The following DRC1 variants were observed in gnomAD, a reference collection of about 807,000 sequenced individuals.
The protein encoded by DRC1 is dynein regulatory complex protein 1.
A neutral mutation model predicts 98.7 loss-of-function variants in DRC1; 74 were observed. The observed-to-expected ratio is 0.75, with a 90% CI of 0.62 to 0.91. The LOEUF is 0.91. Among genes scored for constraint, DRC1 ranks in the 40% least tolerant of loss-of-function variants. The pLI is 0.00. For synonymous variants in DRC1, 336 were observed against 334.1 expected (o/e 1.01, Z -0.06); for missense variants, 875 against 886.0 (o/e 0.99, Z 0.16).
intron 4 of DRC1, among the ~76,000 whole-genome samples, chr2:26,429,182 GATGATTATTATTATTATTATT>G (rs70950191): frequency 0.68 from 99,654 of 146,000 alleles, 38,193 homozygotes; most frequent in Non-Finnish European, 0.87. Context: ...TCTTTGTACA[GATGATTATTATTATTATTATT>G]ATTATTATTA....
rs1012672985 is a variant in DRC1 at position 26,455,123 on chromosome 2, G to A, written c.2064-8G>A. 2.1e-5 allele frequency: 34 copies of A among 1,613,852 alleles called. No homozygotes were observed. The highest frequency in any genetic ancestry group is 2.9e-5 in the Non-Finnish European group (34 of 1,179,962). ...CAGTGAGCCTCTAACCGATTTTTCT[G>A]TCCAAAGCCTTGTCCTGACCCAGAG... On this transcript the variant is annotated splice_polypyrimidine_tract_variant and splice_region_variant and intron_variant, in intron 15 of 16. Transcript: ENST00000288710.
chr2:26,452,410 C>A (rs1296338175), intron 13 of DRC1, among the ~76,000 whole-genome samples: 1 of 152,148 alleles, frequency 6.6e-6, no homozygotes, highest in East Asian at 1.9e-4. Context: ...CAGGCACCTG[C>A]CACCACGCCC....
At chr2:26,412,626 A>T (rs187170436) in intron 1 of DRC1, among the ~76,000 whole-genome samples, 2 of 152,284 alleles carry the variant, frequency 1.3e-5, no homozygotes, top group East Asian at 3.9e-4. Flanking sequence ...ACAAGCACAC[A>T]CACATGCACT....
At position 26,430,958 on chromosome 2, in the gene DRC1, CTTTTTTTTTTT is replaced by C. The variant is rs5830013; in HGVS notation, c.765+96_765+106del. 1.8e-3 allele frequency: 616 copies of C among 344,834 alleles called. 4 individuals carry two copies. The highest frequency in any genetic ancestry group is 0.016 in the African/African-American group (540 of 33,702). 21.4% of individuals were successfully genotyped at this position (344,834 alleles called of 1,614,324 possible). The stretch of plus-strand genomic sequence containing the variant: ...AATTTGCTAGCTAGCCTTTTTCTAT[CTTTTTTTTTTT>C]TTTTTTTTTGAGATGGAATCTTGCT... On this transcript the variant is annotated intron_variant, in intron 6 of 16. Transcript: ENST00000288710.
chr2:26,427,850 A>G (rs922504677), intron 4 of DRC1, among the ~76,000 whole-genome samples: 6 of 152,166 alleles, frequency 3.9e-5, no homozygotes, highest in Non-Finnish European at 7.4e-5. Context: ...TGCCTGGCTT[A>G]TTTCATTTAA....
chr2:26,412,264 A>G (rs767566843), intron 1 of DRC1, among the ~76,000 whole-genome samples: 7 of 152,132 alleles, frequency 4.6e-5, no homozygotes, highest in South Asian at 4.1e-4. Context: ...GAGATCTGCT[A>G]GGCTGAGGCG....
intron 7 of DRC1, among the ~76,000 whole-genome samples, chr2:26,438,885 C>G (rs1456308394): frequency 6.6e-6 from 1 of 152,160 alleles, no homozygotes; most frequent in African/African-American, 2.4e-5. Context: ...ATTGCCTTCC[C>G]CATTCCTGCA....
At position 26,432,948 on chromosome 2, in the gene DRC1, C is replaced by A. The variant is rs531451977; in HGVS notation, c.888+942C>A. On this transcript the variant is annotated intron_variant, in intron 7 of 16. Coordinates refer to ENST00000288710, the MANE Select transcript of DRC1 (RefSeq NM_145038.5). Reference sequence around the variant, plus strand: ...ATATTCTTCCCCTTATTTCAAACAGCCCCTTGACTGATGGTTGGAAATTTC... The same window carrying A: ...ATATTCTTCCCCTTATTTCAAACAGACCCTTGACTGATGGTTGGAAATTTC... 1.5e-3 allele frequency among the ~76,000 whole-genome samples: 225 copies of A among 152,310 alleles called. 1 individual carries two copies. Among genetic ancestry groups the A allele is most frequent in the African/African-American group, 5.2e-3 (216 of 41,574 alleles).
rs1324384354 is a variant in DRC1, at chr2:26,454,768, T to C, written c.2041T>C (p.Tyr681His). ...SSKQNLWDAL[Y>H]TALEKYHLVL... ...CAAGCAGAACCTCTGGGATGCCCTC[T>C]ACACAGCCTTGGAGAAGTACCAGTA... The change falls in exon 15 of 17, where the codon TAC becomes CAC. Residue 681 changes from tyrosine (Y) to histidine (H), a missense_variant. By Grantham distance (83) the Tyr-to-His change is moderately conservative (BLOSUM62 2). Transcript: ENST00000288710. The surrounding 1 kb of genome is among the most constrained non-coding windows in gnomAD (Gnocchi z 5.2). The C allele has an allele frequency of 6.2e-7, 1 of 1,614,170 alleles. No homozygotes were observed.
At chr2:26,448,411 T>G in intron 10 of DRC1, 1 of 583,380 alleles carries the variant, frequency 1.7e-6, no homozygotes, top group Non-Finnish European at 3.3e-6. Context: ...GGATTTTGAG[T>G]ATGATGTTTC....
intron 2 of DRC1, among the ~76,000 whole-genome samples, chr2:26,415,162 A>T (rs1220785059): frequency 6.6e-6 from 1 of 152,212 alleles, no homozygotes; most frequent in Non-Finnish European, 1.5e-5. Context: ...ACAAAAAAGA[A>T]AATCATTGAT....
intron 1 of DRC1, among the ~76,000 whole-genome samples, chr2:26,404,267 C>T (rs747814824): frequency 6.6e-6 from 1 of 152,178 alleles, no homozygotes; most frequent in Non-Finnish European, 1.5e-5. Flanking sequence ...TATATTATGA[C>T]AGAGATCAGG....
In DRC1 at chr2:26,438,382, C is replaced by G. The variant is rs144253362; in HGVS notation, c.889-1996C>G. On this transcript the variant is annotated intron_variant, in intron 7 of 16. Coordinates refer to ENST00000288710, the MANE Select transcript of DRC1 (RefSeq NM_145038.5). Reference sequence around the variant, plus strand: ...AATGAGCAAATATTGCTTTTGCACTCAGGAAAAGTTTTTACAAAGAAAAAT... The same window carrying G: ...AATGAGCAAATATTGCTTTTGCACTGAGGAAAAGTTTTTACAAAGAAAAAT... Among the ~76,000 whole-genome samples the G allele has an allele frequency of 1.5e-4, 23 of 152,084 alleles. No individual in the cohort carries two copies. The East Asian group carries it at 4.4e-3, about 29-fold the overall frequency.
chr2:26,455,273 A>G, intron 16 of DRC1, 40 bp downstream of exon 16: 1 of 1,589,674 alleles, frequency 6.3e-7, no homozygotes, highest in Non-Finnish European at 8.6e-7. Context: ...AGCGGGAGAC[A>G]CGGGTGGGGC....
chr2:26,435,269 G>A (rs1388430844), intron 7 of DRC1, among the ~76,000 whole-genome samples: 1 of 152,160 alleles, frequency 6.6e-6, no homozygotes, highest in Non-Finnish European at 1.5e-5. Flanking sequence ...GGACTTTTGT[G>A]GCAGGTTAGC....
intron 1 of DRC1, among the ~76,000 whole-genome samples, chr2:26,408,266 T>C (rs1414052807): frequency 6.6e-6 from 1 of 152,010 alleles, no homozygotes; most frequent in South Asian, 2.1e-4. Flanking sequence ...AAGCGGAGGA[T>C]CTAGGGCTTG....
chr2:26,446,243 C>T (rs910486430), intron 10 of DRC1, among the ~76,000 whole-genome samples: 4 of 152,000 alleles, frequency 2.6e-5, no homozygotes, highest in Non-Finnish European at 5.9e-5. Context: ...ACCAAAGACT[C>T]ATGCCACAAT....
chr2:26,441,475 A>G (rs1663716018), intron 8 of DRC1, among the ~76,000 whole-genome samples: 1 of 152,158 alleles, frequency 6.6e-6, no homozygotes, highest in Non-Finnish European at 1.5e-5. Context: ...TTATGAAAAA[A>G]TTCCCACTAT....
chr2:26,437,827 G>A (rs933508195), intron 7 of DRC1, among the ~76,000 whole-genome samples: 14 of 151,818 alleles, frequency 9.2e-5, no homozygotes, highest in African/African-American at 2.7e-4. Flanking sequence ...AAGTATTCTA[G>A]CCTGTAATCC....
Sources: gnomAD v4.1 joint callset for allele counts (sites outside exome capture counted in the v4.1 genomes callset) on GRCh38, gnomAD v4.1.1 for gene constraint, Gnocchi (gnomAD v3.1) non-coding constraint, MANE v1.5 for transcripts, NCBI Gene and HGNC (gene_info 2026-07-23, HGNC 2026-07-21) for gene names.